The following ARHGAP15 variants were observed in gnomAD, a reference collection of about 807,000 sequenced individuals.
ARHGAP15 encodes the protein Rho GTPase activating protein 15.
A neutral mutation model predicts 63.7 loss-of-function variants in ARHGAP15; 51 were observed. The observed-to-expected ratio is 0.80, with a 90% CI of 0.64 to 1.01. The LOEUF (loss-of-function observed/expected upper bound fraction) is 1.01, where lower values mean the gene tolerates loss of function less well. Ranked by LOEUF, ARHGAP15 falls within the 50% of genes least tolerant of loss-of-function variation. The pLI is 0.00. For missense variants in ARHGAP15, 560 were observed against 564.6 expected, an observed-to-expected ratio of 0.99 and a Z score of 0.08; for synonymous variants, 191 against 193.8, an observed-to-expected ratio of 0.99 and a Z score of 0.12.
chr2:143,373,651 A>AC, intron 6 of ARHGAP15, among the ~76,000 whole-genome samples: 1 of 148,494 alleles, frequency 6.7e-6, no homozygotes, highest in Non-Finnish European at 1.5e-5. Context: ...AAAAAAAAAA[A>AC]AAAAAAAAAC....
intron 11 of ARHGAP15, among the ~76,000 whole-genome samples, chr2:143,556,913 C>T (rs547333592): frequency 1.3e-4 from 19 of 151,944 alleles, no homozygotes; most frequent in South Asian, 8.3e-4. Context: ...AATTAGGAAA[C>T]GCATATGCCA....
At chr2:143,211,073 G>A (rs1461150555) in intron 3 of ARHGAP15, among the ~76,000 whole-genome samples, 1 of 152,094 alleles carries the variant, frequency 6.6e-6, no homozygotes, top group Non-Finnish European at 1.5e-5. Flanking sequence ...ATAAGCTGGA[G>A]TTTTAAGGTA....
chr2:143,296,484 T>G (rs1213875840), intron 6 of ARHGAP15, among the ~76,000 whole-genome samples: 2 of 151,988 alleles, frequency 1.3e-5, no homozygotes, highest in East Asian at 3.9e-4. Flanking sequence ...TCTGTGCACT[T>G]GCACCCTAAG....
At chr2:143,750,875 A>G (rs2105525874) in intron 13 of ARHGAP15, among the ~76,000 whole-genome samples, 1 of 152,338 alleles carries the variant, frequency 6.6e-6, no homozygotes, top group African/African-American at 2.4e-5. Flanking sequence ...CTATACAGAT[A>G]TAGCGTGATG....
intron 12 of ARHGAP15, among the ~76,000 whole-genome samples, chr2:143,682,322 T>G (rs1168173867): frequency 6.6e-6 from 1 of 151,966 alleles, no homozygotes; most frequent in Non-Finnish European, 1.5e-5. Context: ...TTCCTTTTAT[T>G]GCAGGTTAAA....
chr2:143,686,788 T>A (rs1270798570), intron 12 of ARHGAP15, among the ~76,000 whole-genome samples: 1 of 152,170 alleles, frequency 6.6e-6, no homozygotes, highest in Non-Finnish European at 1.5e-5. Context: ...TACACTGACG[T>A]CCTACTGTTT....
chr2:143,534,561 C>T (rs1467471234), intron 10 of ARHGAP15, among the ~76,000 whole-genome samples: 3 of 151,128 alleles, frequency 2.0e-5, no homozygotes, highest in African/African-American at 4.9e-5. Context: ...GAAATATTCA[C>T]GACATTTCAA....
intron 6 of ARHGAP15, among the ~76,000 whole-genome samples, chr2:143,303,855 G>A (rs1243795261): frequency 6.6e-6 from 1 of 152,144 alleles, no homozygotes; most frequent in East Asian, 1.9e-4. Flanking sequence ...ATGAAAAAAT[G>A]CTCATCATCA....
At chr2:143,475,716 C>G (rs1182412285) in intron 8 of ARHGAP15, among the ~76,000 whole-genome samples, 3 of 152,198 alleles carry the variant, frequency 2.0e-5, no homozygotes, top group Admixed American at 2.0e-4. Flanking sequence ...GCCCAGGGTG[C>G]CCAGAGCAGC....
chr2:143,165,729 A>T (rs780537344), intron 2 of ARHGAP15, among the ~76,000 whole-genome samples: 2 of 152,084 alleles, frequency 1.3e-5, no homozygotes, highest in Non-Finnish European at 2.9e-5. Flanking sequence ...GAGAAAGTGA[A>T]TCTGGCTGAT....
chr2:143,598,430 C>T (rs531906910), intron 11 of ARHGAP15, among the ~76,000 whole-genome samples: 1 of 152,196 alleles, frequency 6.6e-6, no homozygotes, highest in South Asian at 2.1e-4. Flanking sequence ...GTTAAAATTC[C>T]GAGGCCATCA....
At chr2:143,628,954 G>C (rs1220448711) in intron 12 of ARHGAP15, among the ~76,000 whole-genome samples, 3 of 152,066 alleles carry the variant, frequency 2.0e-5, no homozygotes, top group Non-Finnish European at 2.9e-5. Flanking sequence ...CAGATTGGGA[G>C]ATCTGTTACT....
At chr2:143,678,039 G>A (rs146732684) in intron 12 of ARHGAP15, among the ~76,000 whole-genome samples, 2 of 152,194 alleles carry the variant, frequency 1.3e-5, no homozygotes, top group East Asian at 3.9e-4. Context: ...AAAACCCTGT[G>A]TCTATTATAC....
At chr2:143,229,403 G>A (rs769092950) in intron 5 of ARHGAP15, among the ~76,000 whole-genome samples, 8 of 152,110 alleles carry the variant, frequency 5.3e-5, no homozygotes, top group Non-Finnish European at 1.0e-4. Context: ...TTTCTTCCTT[G>A]TACCTGGAGG....
rs1436884361 is a variant in ARHGAP15, at chr2:143,181,784, T to C, written c.166-20350T>C. On this transcript the variant is annotated intron_variant, in intron 2 of 13. Coordinates refer to ENST00000295095, the MANE Select transcript of ARHGAP15 (RefSeq NM_018460.4). ...CTTCATAGCAACAAGAAGTTTGTTT[T>C]ACTTTCTTATCATTCCTGTGTTCAC... Among the ~76,000 whole-genome samples the C allele has an allele frequency of 2.6e-5, 4 of 152,344 alleles. No homozygotes were observed. In the East Asian group the frequency reaches 7.7e-4, roughly 29 times the overall value.
Position 143,155,467 on chromosome 2 carries a change from A to G in ARHGAP15, c.-14-10A>G. The G allele has an allele frequency of 7.0e-6, 11 of 1,566,954 alleles. No homozygotes were observed. The highest frequency in any genetic ancestry group is 9.5e-6 in the Non-Finnish European group (11 of 1,162,424). ...TTTAGAATAACATAATACATTTTAT[A>G]TTTTATCAGGATAGCACTATAATAT... On this transcript the variant is annotated splice_polypyrimidine_tract_variant and intron_variant, in intron 1 of 13. Transcript: ENST00000295095.
At chr2:143,329,874 A>G (rs1684429495) in intron 6 of ARHGAP15, among the ~76,000 whole-genome samples, 1 of 150,534 alleles carries the variant, frequency 6.6e-6, no homozygotes, top group Admixed American at 6.6e-5. Context: ...AAAAGTTATG[A>G]GAGAACATAT....
chr2:143,153,873 T>TCCTCCTCCTCC (rs1689967986), intron 1 of ARHGAP15, among the ~76,000 whole-genome samples: 2 of 46,844 alleles, frequency 4.3e-5, no homozygotes, highest in Non-Finnish European at 4.8e-5. Context: ...CCTCCTCCTC[T>TCCTCCTCCTCC]TCCTCCTCCT....
At chr2:143,729,315 C>T (rs1203918077) in intron 13 of ARHGAP15, among the ~76,000 whole-genome samples, 1 of 152,164 alleles carries the variant, frequency 6.6e-6, no homozygotes, top group Admixed American at 6.5e-5. Context: ...AAGTAGAAAT[C>T]AATCAGGCTC....
Sources: allele counts gnomAD v4.1 joint callset (sites outside exome capture counted in the v4.1 genomes callset), GRCh38; gene constraint gnomAD v4.1.1; transcripts MANE v1.5; gene names NCBI Gene and HGNC (gene_info 2026-07-23, HGNC 2026-07-21).